PDXDC1: variants seen among roughly 807,000 people sequenced by gnomAD.
PDXDC1 encodes the protein pyridoxal dependent decarboxylase domain containing 1.
Under a neutral mutation model 100.1 loss-of-function variants are expected in PDXDC1, and 42 were observed. That is an observed-to-expected ratio of 0.42 (90% CI 0.33 to 0.54). The LOEUF (loss-of-function observed/expected upper bound fraction) is 0.54. Among genes scored for constraint, PDXDC1 ranks in the 20% least tolerant of loss-of-function variants. PDXDC1 has a pLI of 0.10. For synonymous variants in PDXDC1, 260 were observed against 371.7 expected (o/e 0.70, Z 3.46); for missense variants, 636 against 979.2 (o/e 0.65, Z 4.68).
At chr16:15,032,303 G>A in intron 17 of PDXDC1, 2 of 200,982 alleles carry the variant, frequency 1.0e-5, no homozygotes, top group Non-Finnish European at 1.0e-5. Context: ...CAGAGGTGAG[G>A]CAAACCTCTT....
intron 16 of PDXDC1, chr16:15,047,355 G>T: frequency 1.1e-6 from 1 of 871,718 alleles, no homozygotes; most frequent in Non-Finnish European, 1.9e-6. Flanking sequence ...GTGGCATCCT[G>T]TGTTCCCCTA....
intron 16 of PDXDC1, among the ~76,000 whole-genome samples, chr16:15,098,567 C>T (rs139322175): frequency 2.1e-4 from 32 of 152,068 alleles, no homozygotes; most frequent in Non-Finnish European, 4.3e-4. Flanking sequence ...ATTTGCAATA[C>T]ATTTGTTGAG....
At chr16:15,093,712 G>C (rs1282858141) in intron 16 of PDXDC1, among the ~76,000 whole-genome samples, 1 of 152,162 alleles carries the variant, frequency 6.6e-6, no homozygotes. Context: ...GCAAAATAAA[G>C]ACTGCGAAAC....
At chr16:15,125,856 G>C (rs753365822) in intron 16 of PDXDC1, 13 of 879,550 alleles carry the variant, frequency 1.5e-5, no homozygotes, top group South Asian at 1.1e-4. Flanking sequence ...GACCTGCTCA[G>C]GACCTGGATG....
At chr16:15,122,671 C>T (rs1177926693) in intron 16 of PDXDC1, among the ~76,000 whole-genome samples, 1 of 150,938 alleles carries the variant, frequency 6.6e-6, no homozygotes, top group Non-Finnish European at 1.5e-5. Flanking sequence ...TAAATCCCAG[C>T]AGGAGCCAAA....
the PDXDC1 span, among the ~76,000 whole-genome samples, chr16:15,149,337 A>G: frequency 1.3e-5 from 2 of 152,174 alleles, no homozygotes; most frequent in African/African-American, 2.4e-5. Flanking sequence ...GGCTCCAGTG[A>G]TAACGGAGCC....
intron 16 of PDXDC1, among the ~76,000 whole-genome samples, chr16:15,069,034 A>G (rs2045105554): frequency 6.6e-6 from 1 of 152,234 alleles, no homozygotes; most frequent in Admixed American, 6.5e-5. Flanking sequence ...GTATTTACTT[A>G]CCTTGTGATA....
chr16:15,061,850 T>C (rs749987481), intron 16 of PDXDC1: 2 of 1,614,148 alleles, frequency 1.2e-6, no homozygotes, highest in Admixed American at 1.7e-5. Context: ...AATCACGGTA[T>C]CATTCTGGGG....
chr16:15,138,276 G>T, intron 16 of PDXDC1: 1 of 229,446 alleles, frequency 4.4e-6, no homozygotes, highest in African/African-American at 9.2e-5. Flanking sequence ...GGAAGAGAGG[G>T]GGGATTCGGC....
At chr16:15,071,103 G>A in intron 16 of PDXDC1, 1 of 1,589,828 alleles carries the variant, frequency 6.3e-7, no homozygotes. Flanking sequence ...AAAGTATTCG[G>A]AAAATTAGGC....
chr16:14,984,495 A>ATAT (rs1555542734), intron 1 of PDXDC1, among the ~76,000 whole-genome samples: 9,533 of 74,596 alleles, frequency 0.13, 298 homozygotes, highest in Non-Finnish European at 0.17. Flanking sequence ...ATATATATAT[A>ATAT]TTTTTTTTTT....
chr16:15,028,942 C>T lies in PDXDC1; in HGVS notation c.1269C>T (p.His423=), dbSNP rs753324240. The change falls in exon 15 of 23, where the codon CAC becomes CAT. Residue 423 remains histidine (H), a synonymous_variant. Coordinates refer to ENST00000396410, the MANE Select transcript of PDXDC1 (RefSeq NM_015027.4). ...CTTCAGGAGTCGGCCGGGAGAGGCA[C>T]TCGTGTGACGCGCTGAATCGCTGGG... is the stretch of plus-strand genomic sequence containing the variant. The part of the protein sequence containing the change: ...MTPSGVGRER[H]SCDALNRWLG... 3.1e-6 allele frequency: 5 copies of T among 1,613,458 alleles called. No individual in the cohort carries two copies. The highest frequency in any genetic ancestry group is 3.4e-6 in the Non-Finnish European group (4 of 1,180,004).
In PDXDC1 at chr16:15,128,127, G is replaced by A. The variant is rs752239106; in HGVS notation, c.1400-10752G>A. 8 of 1,609,988 alleles carry A rather than the reference G, an allele frequency of 5.0e-6. No individual in the cohort carries two copies. In the African/African-American group the frequency reaches 5.3e-5, roughly 11 times the overall value. On this transcript the variant is annotated intron_variant, in intron 16 of 16. Coordinates refer to the PDXDC1 transcript ENST00000535621. ...ATGACGTGCTGCAGGAACCAGGCAG[G>A]GCTGAGCCCTGCAGAGGCGCGGGAG...
chr16:15,008,159 C>T (rs1191795261), intron 6 of PDXDC1, among the ~76,000 whole-genome samples: 2 of 152,282 alleles, frequency 1.3e-5, no homozygotes, highest in Non-Finnish European at 2.9e-5. Flanking sequence ...TTTTTGGTCT[C>T]TGAATGCTAC....
chr16:14,992,194 C>T (rs1212311300), intron 1 of PDXDC1, among the ~76,000 whole-genome samples: 1 of 152,290 alleles, frequency 6.6e-6, no homozygotes. Context: ...CATTGTCAAG[C>T]AACAAGTCTA....
intron 16 of PDXDC1, among the ~76,000 whole-genome samples, chr16:15,078,056 T>G (rs564171449): frequency 1.8e-4 from 28 of 152,340 alleles, no homozygotes; most frequent in African/African-American, 6.5e-4. Context: ...TCAAATATCT[T>G]AACATACCAC....
intron 14 of PDXDC1, among the ~76,000 whole-genome samples, chr16:15,027,532 G>T (rs1392904661): frequency 6.6e-6 from 1 of 152,298 alleles, no homozygotes; most frequent in Non-Finnish European, 1.5e-5. Context: ...GGGATCACAT[G>T]TGGGCTTGGA....
chr16:15,046,696 C>A (rs1175581552), intron 16 of PDXDC1, among the ~76,000 whole-genome samples: 2 of 61,784 alleles, frequency 3.2e-5, no homozygotes, highest in Non-Finnish European at 6.3e-5. Flanking sequence ...CCTGTCTCTA[C>A]CAAAAAAAAA....
chr16:15,046,378 C>T (rs2044063296), intron 16 of PDXDC1, among the ~76,000 whole-genome samples: 1 of 152,196 alleles, frequency 6.6e-6, no homozygotes, highest in Non-Finnish European at 1.5e-5. Context: ...CCACAAAGAG[C>T]AAGGAGAGGG....
Sources: gnomAD v4.1 joint callset for allele counts (sites outside exome capture counted in the v4.1 genomes callset) on GRCh38, gnomAD v4.1.1 for gene constraint, MANE v1.5 for transcripts, NCBI Gene and HGNC (gene_info 2026-07-23, HGNC 2026-07-21) for gene names.